The following HS3ST5 variants were observed in gnomAD, a reference collection of about 807,000 sequenced individuals.
HS3ST5 encodes heparan sulfate-glucosamine 3-sulfotransferase 5.
HS3ST5 carries 10 observed loss-of-function variants against 25.4 expected under a neutral mutation model. The ratio of observed to expected loss-of-function variants is 0.39; its 90% CI spans 0.24 to 0.67. HS3ST5 has a LOEUF of 0.67. Among genes scored for constraint, HS3ST5 ranks in the 30% least tolerant of loss-of-function variants. The probability of loss-of-function intolerance (pLI) is 0.44; values close to 1 mark genes in which losing one functional copy is unlikely to be tolerated. For synonymous variants in HS3ST5, 170 were observed against 162.4 expected (o/e 1.05, Z -0.36); for missense variants, 324 against 420.7 (o/e 0.77, Z 2.01).
At chr6:114,276,466 CTCATGCTTTTACACATAATAAGAGTAA>C (rs1773857677) in intron 1 of HS3ST5, among the ~76,000 whole-genome samples, 1 of 151,784 alleles carries the variant, frequency 6.6e-6, no homozygotes, top group Non-Finnish European at 1.5e-5. Flanking sequence ...CAATGGGTAA[CTCATGCTTTTACACATAATAAGAGTAA>C]TCTTCTGATC....
At chr6:114,161,530 T>C (rs1417783531) in intron 3 of HS3ST5, among the ~76,000 whole-genome samples, 1 of 34,268 alleles carries the variant, frequency 2.9e-5, no homozygotes, top group Non-Finnish European at 5.4e-5. Flanking sequence ...TTTATATATA[T>C]ATATATATAT....
chr6:114,104,340 A>G (rs1775888285), intron 3 of HS3ST5, among the ~76,000 whole-genome samples: 1 of 152,146 alleles, frequency 6.6e-6, no homozygotes, highest in African/African-American at 2.4e-5. Context: ...CACACTCATC[A>G]TTTCTTTTTC....
intron 3 of HS3ST5, among the ~76,000 whole-genome samples, chr6:114,163,488 T>A (rs759246594): frequency 2.0e-5 from 3 of 152,144 alleles, no homozygotes; most frequent in Non-Finnish European, 4.4e-5. Flanking sequence ...TATTATTTAG[T>A]GGAAAGAATA....
intron 1 of HS3ST5, among the ~76,000 whole-genome samples, chr6:114,276,054 C>T (rs559411140): frequency 9.5e-4 from 144 of 152,032 alleles, no homozygotes; most frequent in African/African-American, 3.4e-3. Flanking sequence ...TTTCTGACAG[C>T]TGTTTATAGG....
chr6:114,306,402 C>A (rs1448916242), intron 1 of HS3ST5, among the ~76,000 whole-genome samples: 1 of 150,288 alleles, frequency 6.7e-6, no homozygotes, highest in Non-Finnish European at 1.5e-5. Flanking sequence ...TATATATAAT[C>A]TATAAGCAAA....
intron 3 of HS3ST5, among the ~76,000 whole-genome samples, chr6:114,067,328 GAAGTTATA>G (rs1282335785): frequency 2.8e-4 from 42 of 152,220 alleles, no homozygotes; most frequent in Admixed American, 9.2e-4. Flanking sequence ...AGGGGTGAGT[GAAGTTATA>G]AAATGACCTC....
intron 2 of HS3ST5, among the ~76,000 whole-genome samples, chr6:114,179,654 GT>G (rs5879251): frequency 0.87 from 80,064 of 91,644 alleles, 34,855 homozygotes; most frequent in East Asian, 0.93. Flanking sequence ...ATTAGTCAGG[GT>G]TTTTTTTTTT....
At chr6:114,144,624 C>A (rs60070205) in intron 3 of HS3ST5, among the ~76,000 whole-genome samples, 9,108 of 152,202 alleles carry the variant, frequency 0.06, 316 homozygotes, top group Non-Finnish European at 0.075. Flanking sequence ...CTGGAGGTAG[C>A]AGGTCCCAAA....
At chr6:114,065,108 T>C (rs1303391538) in intron 3 of HS3ST5, among the ~76,000 whole-genome samples, 4 of 152,196 alleles carry the variant, frequency 2.6e-5, no homozygotes, top group Admixed American at 2.6e-4. Context: ...GAGTGAGGTT[T>C]CTTGAGGCTT....
chr6:114,058,641 C>T, intron 4 of HS3ST5: 1 of 156,146 alleles, frequency 6.4e-6, no homozygotes, highest in Non-Finnish European at 1.4e-5. Flanking sequence ...CTCGGCAGCA[C>T]TCAGATGGCT....
chr6:114,328,384 A>G (rs56147035), intron 1 of HS3ST5, among the ~76,000 whole-genome samples: 9,628 of 152,222 alleles, frequency 0.063, 551 homozygotes, highest in African/African-American at 0.15. Context: ...CCTACCCATC[A>G]CACACACAGA....
chr6:114,250,158 C>T (rs1772582438), intron 1 of HS3ST5, among the ~76,000 whole-genome samples: 2 of 152,164 alleles, frequency 1.3e-5, no homozygotes, highest in African/African-American at 4.8e-5. Context: ...CCAATTATCC[C>T]ATGATGGTGA....
At chr6:114,183,851 T>C (rs971713323) in intron 2 of HS3ST5, among the ~76,000 whole-genome samples, 1 of 152,050 alleles carries the variant, frequency 6.6e-6, no homozygotes. Context: ...ATAGTAAAAA[T>C]GGCCATTCTG....
intron 1 of HS3ST5, among the ~76,000 whole-genome samples, chr6:114,332,346 ACT>A (rs1249613134): frequency 2.0e-5 from 3 of 152,112 alleles, no homozygotes; most frequent in African/African-American, 7.2e-5. Flanking sequence ...CACACTCGAT[ACT>A]GTTTGTTTCG....
chr6:114,101,855 A>T (rs1775751910), intron 3 of HS3ST5, among the ~76,000 whole-genome samples: 1 of 152,222 alleles, frequency 6.6e-6, no homozygotes, highest in Non-Finnish European at 1.5e-5. Flanking sequence ...TACACCATGG[A>T]ATGCTATGCA....
At chr6:114,338,488 A>G (rs1340643342) in intron 1 of HS3ST5, among the ~76,000 whole-genome samples, 1 of 152,028 alleles carries the variant, frequency 6.6e-6, no homozygotes, top group Non-Finnish European at 1.5e-5. Flanking sequence ...AAGAAAAATA[A>G]TCTACTGGAC....
chr6:114,209,255 G>T (rs1582717430), intron 2 of HS3ST5, among the ~76,000 whole-genome samples: 2 of 151,068 alleles, frequency 1.3e-5, no homozygotes, highest in South Asian at 2.1e-4. Context: ...CTAAATTTTG[G>T]CACTGTTTTT....
intron 1 of HS3ST5, among the ~76,000 whole-genome samples, chr6:114,243,009 C>G (rs1318612307): frequency 6.6e-6 from 1 of 152,224 alleles, no homozygotes; most frequent in East Asian, 1.9e-4. Flanking sequence ...CCCTCTAGCA[C>G]TTTCACTATT....
intron 3 of HS3ST5, among the ~76,000 whole-genome samples, chr6:114,128,187 T>C (rs376501342): frequency 3.9e-5 from 6 of 152,158 alleles, no homozygotes; most frequent in Admixed American, 2.6e-4. Flanking sequence ...CACTGAAAAG[T>C]TTCTGTGATC....
Sources: allele counts gnomAD v4.1 joint callset (sites outside exome capture counted in the v4.1 genomes callset), GRCh38; gene constraint gnomAD v4.1.1; transcripts MANE v1.5; gene names NCBI Gene and HGNC (gene_info 2026-07-23, HGNC 2026-07-21).